DERL1: variants seen among roughly 807,000 people sequenced by gnomAD.
The protein encoded by DERL1 is derlin 1.
Under a neutral mutation model 41.6 loss-of-function variants are expected in DERL1, and 24 were observed. The ratio of observed to expected loss-of-function variants is 0.58; its 90% confidence interval spans 0.42 to 0.81. The LOEUF is 0.81. DERL1 is among the 30% of genes least tolerant of loss of function. The probability of loss-of-function intolerance (pLI) is 0.00; values close to 1 mark genes in which losing one functional copy is unlikely to be tolerated. For synonymous variants in DERL1, 124 were observed against 112.5 expected, an observed-to-expected ratio of 1.10 and a Z score of -0.65; for missense variants, 260 against 314.3, an observed-to-expected ratio of 0.83 and a Z score of 1.31.
chr8:123,019,844 G>A (rs942334909), intron 6 of DERL1, among the ~76,000 whole-genome samples: 3 of 151,802 alleles, frequency 2.0e-5, no homozygotes, highest in Non-Finnish European at 2.9e-5. Context: ...TGAAATCAAC[G>A]CTGACCTTCT....
chr8:123,029,991 C>T (rs186907115), intron 2 of DERL1, among the ~76,000 whole-genome samples: 10 of 152,198 alleles, frequency 6.6e-5, no homozygotes, highest in African/African-American at 1.9e-4. Flanking sequence ...ACCCGAGAGG[C>T]AGAGGCTACA....
chr8:123,021,500 C>G lies in DERL1; in HGVS notation c.454-1G>C. 5 of 1,613,540 alleles carry G rather than the reference C, an allele frequency of 3.1e-6. No individual in the cohort carries two copies. Among genetic ancestry groups the G allele is most frequent in the Non-Finnish European group, 3.4e-6 (4 of 1,179,588 alleles). ...GGATAACCCAGGGTAAATAGCAGGCCTAGGATGGAATGAATATATGCAAAT... is the reference window on the plus strand; with the variant it reads ...GGATAACCCAGGGTAAATAGCAGGCGTAGGATGGAATGAATATATGCAAAT... On this transcript the variant is annotated splice_acceptor_variant, in intron 5 of 7. Coordinates refer to ENST00000259512, the MANE Select transcript of DERL1 (RefSeq NM_024295.6). LOFTEE classifies it high-confidence loss of function.
chr8:123,041,012 A>G (rs1199436281), intron 1 of DERL1, among the ~76,000 whole-genome samples: 3 of 152,204 alleles, frequency 2.0e-5, no homozygotes, highest in Non-Finnish European at 4.4e-5. Flanking sequence ...TCCAGTTTAT[A>G]GAAAGTATGT....
rs776418046 is a variant in DERL1, at chr8:123,019,170, G to C, written c.617+25C>G. The C allele has an allele frequency of 2.0e-6, 3 of 1,479,866 alleles. No individual in the cohort carries two copies. In the South Asian group the frequency reaches 3.4e-5, roughly 17 times the overall value. The allele number at this position is 1,479,866 out of a possible 1,614,324, so 91.7% of individuals were successfully genotyped here. A position where few individuals can be genotyped will look rare whatever the true frequency, so the allele number is the denominator to read the frequency against. ...TAAGAACACAGGCAGTAAAATGTTAGATGAGACAGGACAAAAACACTTACA... is the reference window on the plus strand; with the variant it reads ...TAAGAACACAGGCAGTAAAATGTTACATGAGACAGGACAAAAACACTTACA... On this transcript the variant is annotated intron_variant, in intron 7 of 7. Coordinates refer to ENST00000259512, the MANE Select transcript of DERL1 (RefSeq NM_024295.6).
In DERL1 at chr8:123,042,220, T is replaced by G; in HGVS notation, c.-98A>C. 1 of 1,400,636 alleles carries G rather than the reference T, an allele frequency of 7.1e-7. No homozygotes were observed. The highest frequency in any genetic ancestry group is 9.3e-7 in the Non-Finnish European group (1 of 1,072,484). 86.8% of individuals were successfully genotyped at this position (1,400,636 alleles called of 1,614,324 possible). A position where few individuals can be genotyped will look rare whatever the true frequency, so the allele number is the denominator to read the frequency against. On this transcript the variant is annotated 5_prime_UTR_variant, in exon 1 of 8. Coordinates refer to ENST00000259512, the MANE Select transcript of DERL1 (RefSeq NM_024295.6). The stretch of plus-strand genomic sequence containing the variant: ...GCTCCGCGACTGTTAGGTGTCTAGG[T>G]GGAAGCCGCCGAAGCCGCGATGCAG...
Position 123,015,081 on chromosome 8 carries a change from G to T in DERL1, c.*366C>A. 1 of 168,680 alleles carries T rather than the reference G, an allele frequency of 5.9e-6. No individual in the cohort carries two copies. The highest frequency in any genetic ancestry group is 2.5e-3 in the Middle Eastern group (1 of 402). 10.4% of individuals were successfully genotyped at this position (168,680 alleles called of 1,614,324 possible). A position where few individuals can be genotyped will look rare whatever the true frequency, so the allele number is the denominator to read the frequency against. The stretch of plus-strand genomic sequence containing the variant: ...GGGAGAGAGGCATGTGTGCAAGAAA[G>T]AGATAAGGGTCCTTTTGGGAAGGGT... On this transcript the variant is annotated 3_prime_UTR_variant, in exon 8 of 8. Transcript: ENST00000259512.
At chr8:123,038,070 C>A (rs1466410651) in intron 1 of DERL1, among the ~76,000 whole-genome samples, 2 of 152,116 alleles carry the variant, frequency 1.3e-5, no homozygotes, top group Admixed American at 6.5e-5. Context: ...CTGTTTCAAC[C>A]TATCCAAACT....
intron 3 of DERL1, among the ~76,000 whole-genome samples, chr8:123,024,560 A>AATT (rs1419621624): frequency 6.6e-6 from 1 of 152,232 alleles, no homozygotes; most frequent in African/African-American, 2.4e-5. Context: ...AGAGGGACTG[A>AATT]ATTACTATGT....
intron 7 of DERL1, chr8:123,018,153 G>C (rs1424655861): frequency 6.6e-6 from 1 of 152,188 alleles, no homozygotes; most frequent in Non-Finnish European, 1.5e-5. Flanking sequence ...ATTAAAATTA[G>C]CAAGATGTGG....
chr8:123,026,821 T>C (rs987594732), intron 2 of DERL1, among the ~76,000 whole-genome samples: 1 of 150,938 alleles, frequency 6.6e-6, no homozygotes, highest in Non-Finnish European at 1.5e-5. Context: ...ATAAACAAAA[T>C]GAGGTATATC....
intron 3 of DERL1, 52 bp from the exon 4 acceptor site, chr8:123,023,791 C>A: frequency 6.3e-7 from 1 of 1,585,548 alleles, no homozygotes; most frequent in Admixed American, 1.7e-5. Context: ...TGTACCTAGT[C>A]AAGACTGATG....
chr8:123,033,557 A>G (rs891250814), intron 1 of DERL1, among the ~76,000 whole-genome samples: 7 of 152,128 alleles, frequency 4.6e-5, no homozygotes, highest in African/African-American at 1.2e-4. Context: ...CAGGCTGACC[A>G]AGGTGGAGAA....
At position 123,015,177 on chromosome 8, in the gene DERL1, GGAGAA is replaced by G; in HGVS notation, c.*265_*269del. On this transcript the variant is annotated 3_prime_UTR_variant, in exon 8 of 8. Transcript: ENST00000259512. ...AAAACCCATTATTCAGACGGAAAGG[GGAGAA>G]GAGAAGACACCAAAAAATGTAGTCA... 2.9e-6 allele frequency: 1 copy of G among 341,294 alleles called. No individual in the cohort carries two copies. The highest frequency in any genetic ancestry group is 5.3e-6 in the Non-Finnish European group (1 of 190,194). The allele number at this position is 341,294 out of a possible 1,614,324, so 21.1% of individuals were successfully genotyped here.
At chr8:123,041,903 C>G in intron 1 of DERL1, 67 bp downstream of exon 1, 1 of 1,489,158 alleles carries the variant, frequency 6.7e-7, no homozygotes, top group South Asian at 1.3e-5. Flanking sequence ...ACATGCCAGC[C>G]TACGCTTAGC....
At chr8:123,040,688 T>C (rs1236480103) in intron 1 of DERL1, among the ~76,000 whole-genome samples, 1 of 152,200 alleles carries the variant, frequency 6.6e-6, no homozygotes, top group African/African-American at 2.4e-5. Context: ...TGGCTTGCAA[T>C]GGAGAATGAA....
At chr8:123,036,123 AT>A (rs1164286332) in intron 1 of DERL1, among the ~76,000 whole-genome samples, 3 of 152,252 alleles carry the variant, frequency 2.0e-5, no homozygotes, top group African/African-American at 7.2e-5. Flanking sequence ...ACTCCTAGAT[AT>A]ATAGGCAACA....
intron 3 of DERL1, among the ~76,000 whole-genome samples, chr8:123,024,698 A>G (rs891735423): frequency 5.9e-5 from 9 of 152,328 alleles, no homozygotes; most frequent in Admixed American, 5.9e-4. Flanking sequence ...TCAGTCAACA[A>G]GCTGTCACAC....
intron 1 of DERL1, among the ~76,000 whole-genome samples, chr8:123,041,001 C>T (rs1813048075): frequency 6.6e-6 from 1 of 152,144 alleles, no homozygotes; most frequent in Non-Finnish European, 1.5e-5. Flanking sequence ...ATTTCAGAAT[C>T]TCCAGTTTAT....
chr8:123,039,671 C>T (rs1485300199), intron 1 of DERL1, among the ~76,000 whole-genome samples: 1 of 152,220 alleles, frequency 6.6e-6, no homozygotes, highest in African/African-American at 2.4e-5. Flanking sequence ...TCAAATATTA[C>T]ACCCCTTAAA....
Sources: gnomAD v4.1 joint callset for allele counts (sites outside exome capture counted in the v4.1 genomes callset) on GRCh38, gnomAD v4.1.1 for gene constraint, MANE v1.5 for transcripts, NCBI Gene and HGNC (gene_info 2026-07-23, HGNC 2026-07-21) for gene names.